CEP43: variants seen among roughly 807,000 people sequenced by gnomAD.
The protein encoded by CEP43 is FGFR1 oncogene partner.
Under a neutral mutation model 52.6 loss-of-function variants are expected in CEP43, and 36 were observed. That is an observed-to-expected ratio of 0.68 (90% CI 0.52 to 0.90). The LOEUF (loss-of-function observed/expected upper bound fraction) is 0.90. Ranked by LOEUF, CEP43 falls within the 40% of genes least tolerant of loss-of-function variation. The probability of loss-of-function intolerance (pLI) is 0.00; values close to 1 mark genes in which losing one functional copy is unlikely to be tolerated. For synonymous variants in CEP43, 192 were observed against 172.4 expected (o/e 1.11, Z -0.89); for missense variants, 506 against 472.8 (o/e 1.07, Z -0.65).
intron 12 of CEP43, among the ~76,000 whole-genome samples, chr6:167,034,406 C>G (rs1449683817): frequency 1.3e-5 from 2 of 152,194 alleles, no homozygotes; most frequent in Non-Finnish European, 2.9e-5. Flanking sequence ...GGGCTAAAAT[C>G]CACAGGAGAC....
chr6:167,024,833 A>T lies in CEP43; in HGVS notation c.858A>T (p.Ala286=). Reference sequence around the variant, plus strand: ...GAAGTCTGGCCTCGCTCTCGGATGCACCCCCCTTAAAAAGTGGACTCAGCT... The same window carrying T: ...GAAGTCTGGCCTCGCTCTCGGATGCTCCCCCCTTAAAAAGTGGACTCAGCT... ...QAGSLASLSD[A]PPLKSGLSSL... The change falls in exon 9 of 13, where the codon GCA becomes GCT. Residue 286 remains alanine (A), a synonymous_variant. Transcript: ENST00000366847. 1 of 1,612,938 alleles carries T rather than the reference A, an allele frequency of 6.2e-7. No homozygotes were observed. Among genetic ancestry groups the T allele is most frequent in the Non-Finnish European group, 8.5e-7 (1 of 1,179,352 alleles).
intron 5 of CEP43, 63 bp downstream of exon 5, chr6:167,004,464 A>G: frequency 7.0e-7 from 1 of 1,419,688 alleles, no homozygotes; most frequent in Non-Finnish European, 9.5e-7. Context: ...TTAGCCATGC[A>G]GATTAGTGCA....
At chr6:167,014,696 A>G (rs1230314133) in intron 7 of CEP43, among the ~76,000 whole-genome samples, 1 of 152,136 alleles carries the variant, frequency 6.6e-6, no homozygotes. Flanking sequence ...TTCTGTTCAC[A>G]CTGTTCTTTA....
At chr6:167,022,989 A>C (rs1409953178) in intron 8 of CEP43, among the ~76,000 whole-genome samples, 1 of 152,110 alleles carries the variant, frequency 6.6e-6, no homozygotes, top group Middle Eastern at 3.2e-3. Flanking sequence ...GGGTGATGAG[A>C]GCAGAGCAGT....
chr6:167,014,369 C>T (rs1325475251), intron 7 of CEP43, among the ~76,000 whole-genome samples: 2 of 152,196 alleles, frequency 1.3e-5, no homozygotes, highest in South Asian at 4.1e-4. Flanking sequence ...ACTACCAAGG[C>T]CTTGGCTGCT....
intron 7 of CEP43, among the ~76,000 whole-genome samples, chr6:167,019,232 A>G (rs1780169608): frequency 6.6e-6 from 1 of 152,154 alleles, no homozygotes; most frequent in Non-Finnish European, 1.5e-5. Flanking sequence ...GCATCTGTGC[A>G]CATGCATACA....
rs765496584 is a variant in CEP43 at position 167,043,798 on chromosome 6, T to G, written c.*3820T>G. ...CACACGTTCAACAAGCATCTGACAT[T>G]TAAGGAAAGTGAATGTATGTCATGA... On this transcript the variant is annotated 3_prime_UTR_variant, in exon 13 of 13. Transcript: ENST00000366847. 2.0e-5 allele frequency: 3 copies of G among 152,070 alleles called. No homozygotes were observed. The allele number at this position is 152,070 out of a possible 1,614,324, so 9.4% of individuals were successfully genotyped here.
At chr6:167,033,363 C>G (rs1379171557) in intron 11 of CEP43, among the ~76,000 whole-genome samples, 1 of 152,034 alleles carries the variant, frequency 6.6e-6, no homozygotes, top group Admixed American at 6.6e-5. Context: ...CCCACCTGGG[C>G]CTCCCAAAGT....
rs1210074962 is a variant in CEP43, at chr6:167,048,726, A to G, written c.*8748A>G. On this transcript the variant is annotated 3_prime_UTR_variant, in exon 13 of 13. Transcript: ENST00000366847. ...AATTATTACTGATTTGACACAAAAT[A>G]TTGATGTAAATAACATAAAACTGTA... 1.3e-5 allele frequency: 2 copies of G among 152,220 alleles called. No homozygotes were observed. The highest frequency in any genetic ancestry group is 2.9e-5 in the Non-Finnish European group (2 of 68,036). 9.4% of individuals were successfully genotyped at this position (152,220 alleles called of 1,614,324 possible).
rs1346215939 is a variant in CEP43 at position 167,010,874 on chromosome 6, C to T, written c.500C>T (p.Ala167Val). 6.3e-7 allele frequency: 1 copy of T among 1,596,896 alleles called. No homozygotes were observed. Among genetic ancestry groups the T allele is most frequent in the African/African-American group, 1.3e-5 (1 of 74,178 alleles). Residue 167 changes from alanine (A) to valine (V), a missense_variant, in exon 6 of 13, where the codon GCA becomes GTA. Transcript: ENST00000366847. The part of the protein sequence containing the change: ...PPKSPEGKTS[A>V]QTTPSKIPRY... ...AAGTCACCAGAGGGAAAAACAAGTG[C>T]ACAGACAACACCAAGTAAGGTGAGT... is the stretch of plus-strand genomic sequence containing the variant.
In CEP43 at chr6:167,051,474, A is replaced by G. The variant is rs1780868864; in HGVS notation, c.*11496A>G. 1 of 152,266 alleles carries G rather than the reference A, an allele frequency of 6.6e-6. No homozygotes were observed. Among genetic ancestry groups the G allele is most frequent in the African/African-American group, 2.4e-5 (1 of 41,464 alleles). The allele number at this position is 152,266 out of a possible 1,614,324, so 9.4% of individuals were successfully genotyped here. A position where few individuals can be genotyped will look rare whatever the true frequency, so the allele number is the denominator to read the frequency against. ...TTAAAGTCAAGATGGAGTTGGTTAG[A>G]TCAGATCTCTTTCACTGTTATAATT... On this transcript the variant is annotated 3_prime_UTR_variant, in exon 13 of 13. Transcript: ENST00000366847.
At chr6:167,000,003 C>A in intron 1 of CEP43, 57 bp from the exon 2 acceptor site, 1 of 1,448,216 alleles carries the variant, frequency 6.9e-7, no homozygotes. Context: ...TAAATGTGAG[C>A]TTGTTGTGAA....
chr6:167,013,667 A>G, intron 7 of CEP43, 100 bp downstream of exon 7: 2 of 936,740 alleles, frequency 2.1e-6, no homozygotes, highest in Non-Finnish European at 3.4e-6. Context: ...TTGGGTTCTC[A>G]GTTTTCTTAT....
chr6:167,004,021 A>G, intron 4 of CEP43: 1 of 592,306 alleles, frequency 1.7e-6, no homozygotes, highest in South Asian at 2.4e-5. Flanking sequence ...AAGCTTGCTA[A>G]TAAAAGTGTT....
chr6:167,008,796 T>C lies in CEP43; in HGVS notation c.439-2017T>C, dbSNP rs142179669. Among the ~76,000 whole-genome samples, 11 of 152,040 alleles carry C rather than the reference T, an allele frequency of 7.2e-5. No homozygotes were observed. The East Asian group carries it at 2.1e-3, about 30-fold the overall frequency. On this transcript the variant is annotated intron_variant, in intron 5 of 12. Coordinates refer to ENST00000366847, the MANE Select transcript of CEP43 (RefSeq NM_007045.4). ...GCTGGCATAGTGATTTTTAACATAC[T>C]GTTCACAGTCAGTGGAAGCCTTTGA... is the stretch of plus-strand genomic sequence containing the variant.
intron 12 of CEP43, among the ~76,000 whole-genome samples, chr6:167,037,337 T>C (rs1458053924): frequency 6.8e-6 from 1 of 146,696 alleles, no homozygotes; most frequent in Admixed American, 6.9e-5. Context: ...GTCTGTAGTT[T>C]AGCATTTGTA....
chr6:167,036,542 G>C (rs1221895667), intron 12 of CEP43: 1 of 985,270 alleles, frequency 1.0e-6, no homozygotes, highest in Non-Finnish European at 1.2e-6. Flanking sequence ...CCAGGTTTCT[G>C]TTAATGCATA....
intron 5 of CEP43, among the ~76,000 whole-genome samples, chr6:167,004,651 C>T (rs1779811464): frequency 1.8e-5 from 1 of 55,896 alleles, no homozygotes. Flanking sequence ...GCTAAACTGT[C>T]TGGAACAAAT....
chr6:167,020,744 A>G (rs569996752), intron 7 of CEP43, among the ~76,000 whole-genome samples: 2 of 152,174 alleles, frequency 1.3e-5, no homozygotes, highest in South Asian at 4.1e-4. Context: ...CCCTGTTTCT[A>G]CTAAAAATAC....
Sources: gnomAD v4.1 joint callset for allele counts (sites outside exome capture counted in the v4.1 genomes callset) on GRCh38, gnomAD v4.1.1 for gene constraint, MANE v1.5 for transcripts, NCBI Gene and HGNC (gene_info 2026-07-23, HGNC 2026-07-21) for gene names.